Variants in FSTL4 observed in about 807,000 individuals in gnomAD.
The protein encoded by FSTL4 is follistatin like 4.
In FSTL4, 28 loss-of-function variants were observed where a neutral mutation model predicts 78.2. That is an observed-to-expected ratio of 0.36 (90% CI 0.27 to 0.49). The LOEUF is 0.49. FSTL4 is among the 20% of genes least tolerant of loss of function. The pLI is 0.98. For synonymous variants in FSTL4, 422 were observed against 440.5 expected (o/e 0.96, Z 0.53); for missense variants, 922 against 1,084.9 (o/e 0.85, Z 2.11).
At chr5:133,610,966 C>A (rs560018160) in intron 1 of FSTL4, among the ~76,000 whole-genome samples, 1 of 152,144 alleles carries the variant, frequency 6.6e-6, no homozygotes, top group Non-Finnish European at 1.5e-5. Flanking sequence ...AGAACCTGGA[C>A]GGATGTTTGT....
chr5:133,392,737 A>T (rs1755880500), intron 4 of FSTL4, among the ~76,000 whole-genome samples: 1 of 152,202 alleles, frequency 6.6e-6, no homozygotes, highest in Admixed American at 6.5e-5. Context: ...AACGGGACTG[A>T]GGAGTGCACA....
chr5:133,290,673 A>G (rs1189446327), intron 6 of FSTL4, among the ~76,000 whole-genome samples: 2 of 152,222 alleles, frequency 1.3e-5, no homozygotes, highest in African/African-American at 2.4e-5. Flanking sequence ...AGAGGGTGGC[A>G]TGTGGCCTCC....
intron 3 of FSTL4, among the ~76,000 whole-genome samples, chr5:133,506,625 G>A (rs1758617704): frequency 6.6e-6 from 1 of 152,136 alleles, no homozygotes; most frequent in Non-Finnish European, 1.5e-5. Flanking sequence ...TCTGTAACGG[G>A]GGAATAATTT....
chr5:133,768,142 T>C, the FSTL4 span, among the ~76,000 whole-genome samples: 1 of 152,160 alleles, frequency 6.6e-6, no homozygotes, highest in Non-Finnish European at 1.5e-5. Flanking sequence ...CACGAAGGTA[T>C]TCCTCCTCCT....
At chr5:133,278,607 T>C (rs1251418325) in intron 6 of FSTL4, among the ~76,000 whole-genome samples, 1 of 152,158 alleles carries the variant, frequency 6.6e-6, no homozygotes, top group Non-Finnish European at 1.5e-5. Flanking sequence ...CAGAAGGCCA[T>C]ACCAGGTGAG....
At chr5:133,751,277 C>T in the FSTL4 span, among the ~76,000 whole-genome samples, 1 of 152,208 alleles carries the variant, frequency 6.6e-6, no homozygotes, top group African/African-American at 2.4e-5. Flanking sequence ...GTTTGGCAGG[C>T]CTTTCGGGCT....
the FSTL4 span, among the ~76,000 whole-genome samples, chr5:133,734,431 T>C: frequency 1.3e-5 from 2 of 152,134 alleles, no homozygotes; most frequent in South Asian, 4.1e-4. Flanking sequence ...ATCTGAGATT[T>C]GCTGCAAAAT....
chr5:133,264,983 T>C (rs1237722856), intron 6 of FSTL4, among the ~76,000 whole-genome samples: 1 of 152,146 alleles, frequency 6.6e-6, no homozygotes, highest in South Asian at 2.1e-4. Flanking sequence ...ACTCTCCCCA[T>C]CTTAACAATT....
the FSTL4 span, among the ~76,000 whole-genome samples, chr5:133,795,853 T>C: frequency 6.6e-6 from 1 of 152,240 alleles, no homozygotes. Context: ...GGAAGCACCA[T>C]GCCCAAAGCT....
chr5:133,293,073 C>T (rs1020356644), intron 6 of FSTL4, among the ~76,000 whole-genome samples: 18 of 152,328 alleles, frequency 1.2e-4, no homozygotes, highest in East Asian at 3.9e-4. Context: ...TGCGGAGGAC[C>T]GTCACAGCCA....
rs59400068 is a variant in FSTL4 at position 133,221,891 on chromosome 5, GTTTTTTTTTTTTTTTT to G, written c.1340-1041_1340-1026del. Among the ~76,000 whole-genome samples the G allele has an allele frequency of 2.0e-3, 87 of 43,356 alleles. 1 individual carries two copies. In the East Asian group the frequency reaches 0.039, roughly 19 times the overall value. 28.4% of individuals were successfully genotyped at this position (43,356 alleles called of 152,430 possible). A position where few individuals can be genotyped will look rare whatever the true frequency, so the allele number is the denominator to read the frequency against. ...AATATGTAGAAAAATCTCTTTTCTA[GTTTTTTTTTTTTTTTT>G]TTTTTTTTTTTTTTTTTTTTAGCAT... On this transcript the variant is annotated intron_variant, in intron 11 of 15. Transcript: ENST00000265342.
intron 3 of FSTL4, among the ~76,000 whole-genome samples, chr5:133,446,018 A>C (rs539223764): frequency 1.9e-4 from 29 of 152,290 alleles, no homozygotes; most frequent in African/African-American, 7.0e-4. Flanking sequence ...AGGGCTAGCC[A>C]TTTCCCCAAG....
At chr5:133,723,741 C>A in the FSTL4 span, among the ~76,000 whole-genome samples, 1 of 152,154 alleles carries the variant, frequency 6.6e-6, no homozygotes, top group African/African-American at 2.4e-5. Context: ...ATCAGTGAAG[C>A]CTTTTGATCC....
At chr5:133,201,567 G>C (rs1184430208) in intron 15 of FSTL4, among the ~76,000 whole-genome samples, 1 of 152,202 alleles carries the variant, frequency 6.6e-6, no homozygotes, top group Non-Finnish European at 1.5e-5. Context: ...TATAACATAG[G>C]GGTTAAGACC....
At chr5:133,421,670 A>AGGAGGATAACAAGTGG (rs1423678576) in intron 3 of FSTL4, among the ~76,000 whole-genome samples, 2 of 152,222 alleles carry the variant, frequency 1.3e-5, no homozygotes, top group Non-Finnish European at 2.9e-5. Flanking sequence ...TGCTGCTCTC[A>AGGAGGATAACAAGTGG]GGAGGATAAC....
chr5:133,429,691 C>T (rs1176365522), intron 3 of FSTL4, among the ~76,000 whole-genome samples: 2 of 152,010 alleles, frequency 1.3e-5, no homozygotes, highest in Non-Finnish European at 2.9e-5. Flanking sequence ...TTGGATGCAC[C>T]GTACTATGGG....
Position 133,212,648 on chromosome 5 carries a change from T to A in FSTL4, c.1609-2350A>T, listed in dbSNP as rs2126775178. ...AAGAATGGAAAGTCCTAACTTTTTT[T>A]TTTAAACAGAGTTCCCAAAGAAGAG... On this transcript the variant is annotated intron_variant, in intron 13 of 15. Transcript: ENST00000265342. 2.0e-5 allele frequency among the ~76,000 whole-genome samples: 3 copies of A among 152,350 alleles called. No homozygotes were observed. The South Asian group carries it at 6.2e-4, about 32-fold the overall frequency.
intron 6 of FSTL4, among the ~76,000 whole-genome samples, chr5:133,282,006 C>G (rs540549642): frequency 6.6e-6 from 1 of 152,052 alleles, no homozygotes; most frequent in African/African-American, 2.4e-5. Flanking sequence ...ATGTTTTCCC[C>G]GAAGCATGAA....
the FSTL4 span, among the ~76,000 whole-genome samples, chr5:133,768,147 C>T: frequency 2.0e-5 from 3 of 152,194 alleles, no homozygotes; most frequent in Admixed American, 6.5e-5. Flanking sequence ...AGGTATTCCT[C>T]CTCCTGGGGT....
Sources: gnomAD v4.1 joint callset for allele counts (sites outside exome capture counted in the v4.1 genomes callset) on GRCh38, gnomAD v4.1.1 for gene constraint, MANE v1.5 for transcripts, NCBI Gene and HGNC (gene_info 2026-07-23, HGNC 2026-07-21) for gene names.